KCNIP4: variants seen among roughly 807,000 people sequenced by gnomAD.
The protein encoded by KCNIP4 is potassium voltage-gated channel interacting protein 4, also known as Kv channel-interacting protein 4.
KCNIP4 carries 12 observed loss-of-function variants against 34.0 expected under a neutral mutation model. That is an observed-to-expected ratio of 0.35 (90% confidence interval 0.23 to 0.57). KCNIP4 has a LOEUF of 0.57. Among genes scored for constraint, KCNIP4 ranks in the 20% least tolerant of loss-of-function variants. The pLI is 0.83. For missense variants in KCNIP4, 238 were observed against 311.7 expected (o/e 0.76, Z 1.78); for synonymous variants, 124 against 102.2 (o/e 1.21, Z -1.29).
At chr4:20,859,330 C>G (rs1203129490) in intron 2 of KCNIP4, among the ~76,000 whole-genome samples, 1 of 152,194 alleles carries the variant, frequency 6.6e-6, no homozygotes, top group Non-Finnish European at 1.5e-5. Context: ...GGAGTTATCT[C>G]CAGGCCATGC....
intron 1 of KCNIP4, among the ~76,000 whole-genome samples, chr4:21,757,172 AAG>A (rs1560691324): frequency 7.5e-3 from 240 of 32,072 alleles, no homozygotes; most frequent in Middle Eastern, 0.023. Context: ...AGAAAGAAGG[AAG>A]GAAGGAAGGA....
At chr4:21,492,910 G>A (rs1732532207) in intron 1 of KCNIP4, among the ~76,000 whole-genome samples, 1 of 152,180 alleles carries the variant, frequency 6.6e-6, no homozygotes, top group Admixed American at 6.5e-5. Flanking sequence ...TAGAGCCACA[G>A]TGGAGTAGAG....
At chr4:21,028,105 C>T (rs1740703217) in intron 1 of KCNIP4, among the ~76,000 whole-genome samples, 2 of 152,044 alleles carry the variant, frequency 1.3e-5, no homozygotes, top group East Asian at 3.9e-4. Flanking sequence ...CCACTGGGAC[C>T]CTCCATTAGG....
chr4:20,978,448 G>T (rs571908737), intron 1 of KCNIP4, among the ~76,000 whole-genome samples: 1 of 152,288 alleles, frequency 6.6e-6, no homozygotes, highest in Non-Finnish European at 1.5e-5. Context: ...GTGCTAAACA[G>T]CAAGGATAAC....
At chr4:20,829,960 G>GA (rs1718222695) in intron 3 of KCNIP4, among the ~76,000 whole-genome samples, 1 of 152,048 alleles carries the variant, frequency 6.6e-6, no homozygotes, top group East Asian at 1.9e-4. Flanking sequence ...CTCTTCGGAT[G>GA]TCTAAGAGAC....
At chr4:21,388,228 A>T (rs1380729882) in intron 1 of KCNIP4, among the ~76,000 whole-genome samples, 1 of 150,682 alleles carries the variant, frequency 6.6e-6, no homozygotes, top group Non-Finnish European at 1.5e-5. Flanking sequence ...TCTAAAAGCA[A>T]ATGTTATATT....
At chr4:21,295,213 C>T (rs891324568) in intron 1 of KCNIP4, among the ~76,000 whole-genome samples, 4 of 152,192 alleles carry the variant, frequency 2.6e-5, no homozygotes, top group Non-Finnish European at 4.4e-5. Flanking sequence ...TTTTGGCTTG[C>T]GCTCACACGA....
At chr4:21,296,817 T>G (rs1042096092) in intron 1 of KCNIP4, among the ~76,000 whole-genome samples, 4 of 151,842 alleles carry the variant, frequency 2.6e-5, no homozygotes, top group African/African-American at 4.8e-5. Context: ...TCATAAACAG[T>G]CTGGCCGGTG....
intron 1 of KCNIP4, among the ~76,000 whole-genome samples, chr4:21,283,300 A>G (rs148521194): frequency 9.4e-4 from 143 of 152,192 alleles, no homozygotes; most frequent in East Asian, 4.9e-3. Context: ...TTATATTTAA[A>G]ATGGGTGAAT....
intron 1 of KCNIP4, among the ~76,000 whole-genome samples, chr4:20,947,690 T>C (rs1732330495): frequency 1.3e-5 from 2 of 152,220 alleles, no homozygotes; most frequent in Admixed American, 1.3e-4. Flanking sequence ...TGGTTCCTTC[T>C]GAGATAAGGA....
chr4:20,915,851 T>C (rs1728758190), intron 1 of KCNIP4, among the ~76,000 whole-genome samples: 1 of 152,176 alleles, frequency 6.6e-6, no homozygotes, highest in African/African-American at 2.4e-5. Flanking sequence ...TCCCTCAGTT[T>C]AACATTGCAA....
At chr4:21,763,146 G>A in intron 1 of KCNIP4, 1 of 1,249,066 alleles carries the variant, frequency 8.0e-7, no homozygotes, top group Non-Finnish European at 1.0e-6. Context: ...CACTGTGGTT[G>A]AATTCACACA....
chr4:21,570,917 T>A (rs908450641), intron 1 of KCNIP4, among the ~76,000 whole-genome samples: 2 of 152,154 alleles, frequency 1.3e-5, no homozygotes, highest in East Asian at 1.9e-4. Context: ...ATAGAGTACA[T>A]CTTTTGGTCA....
At chr4:21,302,118 CAA>C (rs746139134) in intron 1 of KCNIP4, among the ~76,000 whole-genome samples, 18 of 152,028 alleles carry the variant, frequency 1.2e-4, no homozygotes, top group Non-Finnish European at 2.1e-4. Context: ...ACGTAAAGTA[CAA>C]GAGAGAAATT....
intron 1 of KCNIP4, among the ~76,000 whole-genome samples, chr4:21,112,670 C>A (rs1302252966): frequency 6.6e-6 from 1 of 152,204 alleles, no homozygotes; most frequent in East Asian, 1.9e-4. Flanking sequence ...GGCTCTTGGG[C>A]AGATGAGTTG....
At chr4:20,843,069 G>A (rs916743086) in intron 3 of KCNIP4, among the ~76,000 whole-genome samples, 4 of 151,942 alleles carry the variant, frequency 2.6e-5, no homozygotes, top group African/African-American at 9.7e-5. Context: ...CACCATGCCT[G>A]GCTAATTTTT....
chr4:21,211,690 G>T (rs1757234890), intron 1 of KCNIP4, among the ~76,000 whole-genome samples: 1 of 152,062 alleles, frequency 6.6e-6, no homozygotes, highest in Admixed American at 6.6e-5. Flanking sequence ...AGTTTATGCT[G>T]GGCACTAGCT....
chr4:21,869,050 A>G (rs1725600522), intron 1 of KCNIP4, among the ~76,000 whole-genome samples: 1 of 152,136 alleles, frequency 6.6e-6, no homozygotes, highest in Non-Finnish European at 1.5e-5. Flanking sequence ...AGTTGACCCT[A>G]TCTATTCCAA....
At chr4:21,053,409 T>C (rs970656620) in intron 1 of KCNIP4, among the ~76,000 whole-genome samples, 3 of 152,172 alleles carry the variant, frequency 2.0e-5, no homozygotes, top group Admixed American at 6.5e-5. Context: ...ATAGCTAACA[T>C]TGTACTTAAG....
Sources: gnomAD v4.1 joint callset for allele counts (sites outside exome capture counted in the v4.1 genomes callset) on GRCh38, gnomAD v4.1.1 for gene constraint, MANE v1.5 for transcripts, NCBI Gene and HGNC (gene_info 2026-07-23, HGNC 2026-07-21) for gene names.